The following KIAA1217 variants were observed in gnomAD, a reference collection of about 807,000 sequenced individuals.
KIAA1217 encodes sickle tail protein homolog.
KIAA1217 carries 88 observed loss-of-function variants against 163.9 expected under a neutral mutation model. The ratio of observed to expected loss-of-function variants is 0.54; its 90% CI spans 0.45 to 0.64. KIAA1217 has a LOEUF of 0.64. KIAA1217 is among the 30% of genes least tolerant of loss of function. The pLI is 0.00. For missense variants in KIAA1217, 2,372 were observed against 2,475.0 expected, an observed-to-expected ratio of 0.96 and a Z score of 0.88; for synonymous variants, 903 against 923.1, an observed-to-expected ratio of 0.98 and a Z score of 0.39.
intron 2 of KIAA1217, among the ~76,000 whole-genome samples, chr10:24,061,154 T>C (rs533635794): frequency 1.5e-4 from 23 of 152,218 alleles, no homozygotes; most frequent in Non-Finnish European, 3.2e-4. Flanking sequence ...TTCTTGTGTG[T>C]ATTTTTCTTC....
At chr10:24,141,246 CTT>C (rs1417467999) in intron 2 of KIAA1217, among the ~76,000 whole-genome samples, 1 of 120,626 alleles carries the variant, frequency 8.3e-6, no homozygotes, top group Non-Finnish European at 1.7e-5. Flanking sequence ...CCATTTCTCT[CTT>C]CTTTCCTTTT....
chr10:24,536,898 C>A lies in KIAA1217; in HGVS notation c.3534+5C>A, dbSNP rs748278169. 2 of 1,613,558 alleles carry A rather than the reference C, an allele frequency of 1.2e-6. No homozygotes were observed. Among genetic ancestry groups the A allele is most frequent in the Admixed American group, 1.7e-5 (1 of 59,980 alleles). On this transcript the variant is annotated splice_donor_5th_base_variant and intron_variant, in intron 17 of 20. Coordinates refer to ENST00000376454, the MANE Select transcript of KIAA1217 (RefSeq NM_019590.5). ...GTGCCACCCAAGGAGAAGAAGGTAA[C>A]GTGGCAACTGCACATTTGCCACACG... is the stretch of plus-strand genomic sequence containing the variant.
chr10:24,389,950 A>C (rs1220763026), intron 3 of KIAA1217, among the ~76,000 whole-genome samples: 1 of 152,112 alleles, frequency 6.6e-6, no homozygotes, highest in Non-Finnish European at 1.5e-5. Context: ...CCAACTCTGC[A>C]TCTGTGCTGG....
chr10:24,134,096 T>C (rs2063751037), intron 2 of KIAA1217, among the ~76,000 whole-genome samples: 1 of 152,154 alleles, frequency 6.6e-6, no homozygotes, highest in Non-Finnish European at 1.5e-5. Context: ...GGAGGTGAAA[T>C]AGACGTCATT....
chr10:24,410,184 C>T (rs1469532196), intron 3 of KIAA1217, among the ~76,000 whole-genome samples: 1 of 151,792 alleles, frequency 6.6e-6, no homozygotes, highest in East Asian at 1.9e-4. Flanking sequence ...TTAGTAGAGA[C>T]AGGGTTTCAC....
intron 2 of KIAA1217, among the ~76,000 whole-genome samples, chr10:24,359,200 G>A (rs1418203858): frequency 1.3e-5 from 2 of 148,994 alleles, no homozygotes; most frequent in Non-Finnish European, 3.0e-5. Flanking sequence ...AGTGATTCTC[G>A]TGCCTCAGCC....
intron 1 of KIAA1217, among the ~76,000 whole-genome samples, chr10:23,781,176 A>T (rs1463509502): frequency 6.6e-6 from 1 of 152,178 alleles, no homozygotes; most frequent in Non-Finnish European, 1.5e-5. Context: ...CTTTTTGAGG[A>T]ACCTCTAAAC....
intron 1 of KIAA1217, among the ~76,000 whole-genome samples, chr10:23,786,550 A>T (rs963707873): frequency 1.4e-4 from 22 of 152,198 alleles, no homozygotes; most frequent in African/African-American, 5.3e-4. Context: ...AAAAAAAAAA[A>T]AAATTAGTTA....
At chr10:24,166,114 G>C (rs188555678) in intron 2 of KIAA1217, among the ~76,000 whole-genome samples, 2 of 151,808 alleles carry the variant, frequency 1.3e-5, no homozygotes, top group Admixed American at 6.6e-5. Flanking sequence ...TAGACATTTG[G>C]ACAAATCGTT....
chr10:23,943,141 A>G (rs1435667180), intron 1 of KIAA1217, among the ~76,000 whole-genome samples: 1 of 152,076 alleles, frequency 6.6e-6, no homozygotes, highest in Non-Finnish European at 1.5e-5. Flanking sequence ...AAAAAAAAGA[A>G]AATTCACATA....
chr10:24,076,257 GT>G (rs1275940094), intron 2 of KIAA1217, among the ~76,000 whole-genome samples: 1 of 152,196 alleles, frequency 6.6e-6, no homozygotes, highest in Non-Finnish European at 1.5e-5. Context: ...TTTATGCCAT[GT>G]TTAATACTGA....
At chr10:24,356,580 G>C (rs1407436203) in intron 2 of KIAA1217, among the ~76,000 whole-genome samples, 1 of 152,192 alleles carries the variant, frequency 6.6e-6, no homozygotes. Context: ...AGTGTTGAGA[G>C]TTGGGACCTA....
At chr10:24,538,750 T>TTTG (rs2074517103) in intron 17 of KIAA1217, among the ~76,000 whole-genome samples, 2 of 147,804 alleles carry the variant, frequency 1.4e-5, no homozygotes, top group Admixed American at 1.3e-4. Flanking sequence ...TTTTTTTTTT[T>TTTG]GTGAGACCGA....
chr10:24,128,283 G>A (rs983004387), intron 2 of KIAA1217, among the ~76,000 whole-genome samples: 2 of 152,038 alleles, frequency 1.3e-5, no homozygotes, highest in Non-Finnish European at 2.9e-5. Flanking sequence ...ACCTCAATTC[G>A]ACCCCTCATG....
intron 2 of KIAA1217, among the ~76,000 whole-genome samples, chr10:24,324,411 A>C (rs1373196539): frequency 6.6e-6 from 1 of 152,192 alleles, no homozygotes; most frequent in East Asian, 1.9e-4. Flanking sequence ...CACTAAAAAT[A>C]CAAAAATTAG....
At chr10:23,926,611 G>A (rs576551058) in intron 1 of KIAA1217, among the ~76,000 whole-genome samples, 1 of 152,040 alleles carries the variant, frequency 6.6e-6, no homozygotes, top group African/African-American at 2.4e-5. Flanking sequence ...TGTAATCCCA[G>A]CTACTCAGGA....
At chr10:23,806,012 A>G (rs1203251377) in intron 1 of KIAA1217, among the ~76,000 whole-genome samples, 7 of 150,236 alleles carry the variant, frequency 4.7e-5, no homozygotes, top group Admixed American at 3.3e-4. Context: ...AAAAAAAAAA[A>G]AAAAAAAAAA....
At chr10:24,275,910 C>T in intron 2 of KIAA1217, 1 of 421,044 alleles carries the variant, frequency 2.4e-6, no homozygotes, top group Non-Finnish European at 4.8e-6. Flanking sequence ...TCCTGATATT[C>T]CTTTTTAAAC....
intron 1 of KIAA1217, among the ~76,000 whole-genome samples, chr10:23,958,270 A>T (rs571881994): frequency 5.9e-5 from 9 of 152,208 alleles, no homozygotes; most frequent in Non-Finnish European, 8.8e-5. Context: ...CTCATACATA[A>T]GGTGCTGTAG....
Sources: gnomAD v4.1 joint callset for allele counts (sites outside exome capture counted in the v4.1 genomes callset) on GRCh38, gnomAD v4.1.1 for gene constraint, MANE v1.5 for transcripts, NCBI Gene and HGNC (gene_info 2026-07-23, HGNC 2026-07-21) for gene names.